Variants in FOXP2 observed in about 807,000 individuals in gnomAD.
FOXP2 encodes the protein forkhead box P2.
FOXP2 carries 12 observed loss-of-function variants against 115.8 expected under a neutral mutation model. The observed-to-expected ratio is 0.10, with a 90% CI of 0.07 to 0.17. The LOEUF is 0.17. Ranked by LOEUF, FOXP2 falls within the 10% of genes least tolerant of loss-of-function variation. The pLI is 1.00. For missense variants in FOXP2, 629 were observed against 843.5 expected, an observed-to-expected ratio of 0.75 and a Z score of 3.15; for synonymous variants, 328 against 297.7, an observed-to-expected ratio of 1.10 and a Z score of -1.05.
chr7:114,345,503 A>G (rs1482312245), intron 2 of FOXP2, among the ~76,000 whole-genome samples: 1 of 151,840 alleles, frequency 6.6e-6, no homozygotes, highest in Non-Finnish European at 1.5e-5. Flanking sequence ...CTGCAAAGGC[A>G]TTCCTTAATG....
intron 2 of FOXP2, among the ~76,000 whole-genome samples, chr7:114,379,367 T>C (rs956627493): frequency 6.6e-6 from 1 of 152,182 alleles, no homozygotes; most frequent in Non-Finnish European, 1.5e-5. Context: ...CCAGCTAGGC[T>C]TAGGGATTCT....
intron 1 of FOXP2, among the ~76,000 whole-genome samples, chr7:114,215,533 T>C (rs986808492): frequency 3.3e-5 from 5 of 152,202 alleles, no homozygotes; most frequent in African/African-American, 1.2e-4. Flanking sequence ...AATCCATATA[T>C]TGAAATACTA....
intron 6 of FOXP2, among the ~76,000 whole-genome samples, chr7:114,640,846 G>T (rs1477549254): frequency 6.6e-6 from 1 of 152,108 alleles, no homozygotes; most frequent in East Asian, 1.9e-4. Context: ...TTTGAATTCT[G>T]CCCACTGATC....
At chr7:114,655,917 G>A (rs907358153) in intron 10 of FOXP2, among the ~76,000 whole-genome samples, 6 of 152,136 alleles carry the variant, frequency 3.9e-5, no homozygotes, top group African/African-American at 1.2e-4. Context: ...TCAAGGCTGC[G>A]AGTCCTGAAT....
chr7:114,639,377 C>T (rs576392029), intron 6 of FOXP2, among the ~76,000 whole-genome samples: 5 of 152,206 alleles, frequency 3.3e-5, no homozygotes, highest in South Asian at 2.1e-4. Context: ...GCACATGCCA[C>T]GCACTGTTCA....
intron 1 of FOXP2, among the ~76,000 whole-genome samples, chr7:114,118,789 A>G (rs759638019): frequency 1.7e-4 from 26 of 152,096 alleles, no homozygotes; most frequent in Non-Finnish European, 2.8e-4. Context: ...ACTCTCTCAT[A>G]AGTACAGTTA....
At chr7:114,376,085 A>G (rs1277072200) in intron 2 of FOXP2, among the ~76,000 whole-genome samples, 1 of 152,178 alleles carries the variant, frequency 6.6e-6, no homozygotes, top group Non-Finnish European at 1.5e-5. Flanking sequence ...CCTTCTCTGT[A>G]TAATCCAAGA....
rs138270187 is a variant in FOXP2, at chr7:114,121,619, T to A, written c.-247+33781T>A. Reference sequence around the variant, plus strand: ...AGTGAATAAACCATGTCTGTACGACTGCATTCAGATCTGAATGTCACATAA... The same window carrying A: ...AGTGAATAAACCATGTCTGTACGACAGCATTCAGATCTGAATGTCACATAA... On this transcript the variant is annotated intron_variant, in intron 1 of 19. Coordinates refer to the FOXP2 transcript ENST00000635638. Among the ~76,000 whole-genome samples the A allele has an allele frequency of 2.1e-3, 319 of 152,204 alleles. 1 individual carries two copies. Among genetic ancestry groups the A allele is most frequent in the African/African-American group, 7.0e-3 (291 of 41,550 alleles).
intron 1 of FOXP2, among the ~76,000 whole-genome samples, chr7:114,178,328 G>A (rs994644366): frequency 6.6e-6 from 1 of 151,774 alleles, no homozygotes; most frequent in African/African-American, 2.4e-5. Flanking sequence ...CTTTATGATA[G>A]TTATTTTTTT....
intron 1 of FOXP2, among the ~76,000 whole-genome samples, chr7:114,133,826 T>TA (rs1229702474): frequency 1.3e-5 from 2 of 152,222 alleles, no homozygotes; most frequent in Non-Finnish European, 2.9e-5. Flanking sequence ...CCTCTCTTTG[T>TA]AGATGGCTAC....
At chr7:114,340,045 TG>T (rs1302903240) in intron 2 of FOXP2, among the ~76,000 whole-genome samples, 4 of 151,178 alleles carry the variant, frequency 2.6e-5, no homozygotes, top group South Asian at 2.1e-4. Flanking sequence ...AAATAGCAAC[TG>T]GTAGTGTCCA....
intron 2 of FOXP2, among the ~76,000 whole-genome samples, chr7:114,432,792 G>A (rs1376163920): frequency 3.3e-5 from 5 of 151,812 alleles, no homozygotes; most frequent in African/African-American, 7.2e-5. Flanking sequence ...TAGAGTTGTC[G>A]TCTACCACAT....
In FOXP2 at chr7:114,691,871, G is replaced by C. The variant is rs185964187; in HGVS notation, c.*1945G>C. On this transcript the variant is annotated 3_prime_UTR_variant, in exon 17 of 17. Transcript: ENST00000350908. ...ATCACACCAAATAAAAGGACATAAC[G>C]GCTTTCAAAAGGGTTTTCCCACTTA... 19 of 452,054 alleles carry C rather than the reference G, an allele frequency of 4.2e-5. 1 individual carries two copies. The highest frequency in any genetic ancestry group is 3.0e-4 in the South Asian group (19 of 64,292). 28.0% of individuals were successfully genotyped at this position (452,054 alleles called of 1,614,324 possible). A position where few individuals can be genotyped will look rare whatever the true frequency, so the allele number is the denominator to read the frequency against.
intron 3 of FOXP2, among the ~76,000 whole-genome samples, chr7:114,626,390 A>T (rs1296909934): frequency 6.6e-6 from 1 of 151,852 alleles, no homozygotes; most frequent in Non-Finnish European, 1.5e-5. Flanking sequence ...TTCACTTATC[A>T]TTATACATAA....
chr7:114,459,557 T>C (rs1795467926), intron 2 of FOXP2, among the ~76,000 whole-genome samples: 1 of 152,208 alleles, frequency 6.6e-6, no homozygotes, highest in African/African-American at 2.4e-5. Context: ...CTTCACTCAG[T>C]TGTCCACAGT....
At chr7:114,324,006 T>G (rs1337789571) in intron 2 of FOXP2, among the ~76,000 whole-genome samples, 3 of 151,864 alleles carry the variant, frequency 2.0e-5, no homozygotes, top group Admixed American at 2.0e-4. Context: ...GAACTAAGAT[T>G]CTTTCTGTGT....
chr7:114,412,444 A>G (rs1793186473), upstream of FOXP2, among the ~76,000 whole-genome samples: 1 of 152,136 alleles, frequency 6.6e-6, no homozygotes, highest in African/African-American at 2.4e-5. Context: ...TTCAGGAACA[A>G]ATGACTTGAC....
At chr7:114,388,407 T>A (rs77927324) in intron 2 of FOXP2, among the ~76,000 whole-genome samples, 10 of 150,132 alleles carry the variant, frequency 6.7e-5, no homozygotes, top group East Asian at 2.0e-4. Flanking sequence ...TTTTTTTTTT[T>A]AGTCTCTGAG....
intron 1 of FOXP2, among the ~76,000 whole-genome samples, chr7:114,129,272 A>C (rs1344406167): frequency 6.6e-6 from 1 of 152,212 alleles, no homozygotes; most frequent in Non-Finnish European, 1.5e-5. Context: ...TTTAACTGCA[A>C]GTTCTGTGTT....
Sources: gnomAD v4.1 joint callset for allele counts (sites outside exome capture counted in the v4.1 genomes callset) on GRCh38, gnomAD v4.1.1 for gene constraint, MANE v1.5 for transcripts, NCBI Gene and HGNC (gene_info 2026-07-23, HGNC 2026-07-21) for gene names.